TBC1D12: variants seen among roughly 807,000 people sequenced by gnomAD.
TBC1D12 encodes TBC1 domain family member 12, also known as TBC1 domain family, member 12.
In TBC1D12, 56 loss-of-function variants were observed where a neutral mutation model predicts 86.7. That is an observed-to-expected ratio of 0.65 (90% CI 0.52 to 0.81). The LOEUF (loss-of-function observed/expected upper bound fraction) is 0.81, where lower values mean the gene tolerates loss of function less well. TBC1D12 is among the 30% of genes least tolerant of loss of function. The probability of loss-of-function intolerance (pLI) is 0.00; values close to 1 mark genes in which losing one functional copy is unlikely to be tolerated. For synonymous variants in TBC1D12, 421 were observed against 411.7 expected (o/e 1.02, Z -0.27); for missense variants, 1,023 against 1,038.8 (o/e 0.98, Z 0.21).
intron 5 of TBC1D12, among the ~76,000 whole-genome samples, chr10:94,498,921 T>C (rs114788517): frequency 0.012 from 1,861 of 152,072 alleles, 43 homozygotes; most frequent in African/African-American, 0.043. Context: ...AGGTATGTGC[T>C]AACACGTCCA....
In TBC1D12 at chr10:94,533,755, C is replaced by A. The variant is rs1003116716; in HGVS notation, c.*659C>A. 1.3e-5 allele frequency: 2 copies of A among 152,102 alleles called. No homozygotes were observed. The highest frequency in any genetic ancestry group is 4.8e-5 in the African/African-American group (2 of 41,426). The allele number at this position is 152,102 out of a possible 1,614,324, so 9.4% of individuals were successfully genotyped here. A position where few individuals can be genotyped will look rare whatever the true frequency, so the allele number is the denominator to read the frequency against. Reference sequence around the variant, plus strand: ...TTTGTCTTCCTTAAGGAATTCCTATCACTCAGAGAATTTTAGCCATTCTGG... The same window carrying A: ...TTTGTCTTCCTTAAGGAATTCCTATAACTCAGAGAATTTTAGCCATTCTGG... On this transcript the variant is annotated 3_prime_UTR_variant, in exon 13 of 13. Coordinates refer to ENST00000225235, the MANE Select transcript of TBC1D12 (RefSeq NM_015188.2).
At chr10:94,448,555 C>T (rs1047884554) in intron 2 of TBC1D12, among the ~76,000 whole-genome samples, 1 of 152,186 alleles carries the variant, frequency 6.6e-6, no homozygotes, top group African/African-American at 2.4e-5. Flanking sequence ...TGGCTCACTG[C>T]AACCTTGACC....
Position 94,533,726 on chromosome 10 carries a change from A to AT in TBC1D12, c.*636dup, listed in dbSNP as rs369984657. On this transcript the variant is annotated 3_prime_UTR_variant, in exon 13 of 13. Coordinates refer to ENST00000225235, the MANE Select transcript of TBC1D12 (RefSeq NM_015188.2). The stretch of plus-strand genomic sequence containing the variant: ...GGTGTCCATTTGTTTTTTAAGGGAA[A>AT]TTTTTTGTCTTCCTTAAGGAATTCC... 1 of 152,164 alleles carries AT rather than the reference A, an allele frequency of 6.6e-6. No individual in the cohort carries two copies. Among genetic ancestry groups the AT allele is most frequent in the African/African-American group, 2.4e-5 (1 of 41,534 alleles). 9.4% of individuals were successfully genotyped at this position (152,164 alleles called of 1,614,324 possible).
In TBC1D12 at chr10:94,430,991, G is replaced by A. The variant is rs181788228; in HGVS notation, c.972-10905G>A. Among the ~76,000 whole-genome samples the A allele has an allele frequency of 2.0e-5, 3 of 152,248 alleles. No individual in the cohort carries two copies. In the East Asian group the frequency reaches 5.8e-4, roughly 29 times the overall value. On this transcript the variant is annotated intron_variant, in intron 1 of 12. Transcript: ENST00000225235. ...GTTTGTGTCTGTGTGTGTATAGATG[G>A]GCGTGTACATGAACATGGTATTTAT...
chr10:94,514,977 G>C (rs1236879992), intron 9 of TBC1D12, among the ~76,000 whole-genome samples: 1 of 140,260 alleles, frequency 7.1e-6, no homozygotes, highest in Non-Finnish European at 1.5e-5. Flanking sequence ...GCGGGATCTC[G>C]GCTCACTGCA....
At chr10:94,444,040 G>A (rs538200180) in intron 2 of TBC1D12, among the ~76,000 whole-genome samples, 3 of 152,114 alleles carry the variant, frequency 2.0e-5, no homozygotes, top group African/African-American at 7.2e-5. Flanking sequence ...GCATGGTGGT[G>A]CATGCTTATA....
At chr10:94,440,120 T>C (rs1306241990) in intron 1 of TBC1D12, among the ~76,000 whole-genome samples, 1 of 152,216 alleles carries the variant, frequency 6.6e-6, no homozygotes, top group African/African-American at 2.4e-5. Flanking sequence ...TAGTGTCATA[T>C]GTTTATTTCT....
intron 2 of TBC1D12, among the ~76,000 whole-genome samples, chr10:94,465,806 ATACG>A (rs2055807867): frequency 6.6e-6 from 1 of 150,992 alleles, no homozygotes; most frequent in Non-Finnish European, 1.5e-5. Context: ...ATACATACAT[ATACG>A]CATACATACA....
intron 1 of TBC1D12, among the ~76,000 whole-genome samples, chr10:94,428,786 T>C (rs554465909): frequency 1.3e-5 from 2 of 151,960 alleles, no homozygotes; most frequent in African/African-American, 2.4e-5. Flanking sequence ...TCAGGCTCAC[T>C]ACAGCCTTGA....
chr10:94,458,465 C>CT (rs762177980), intron 2 of TBC1D12, among the ~76,000 whole-genome samples: 3 of 152,104 alleles, frequency 2.0e-5, no homozygotes, highest in Non-Finnish European at 2.9e-5. Context: ...ACTAAGAAAA[C>CT]TTTTTTTCTG....
At position 94,522,023 on chromosome 10, in the gene TBC1D12, A is replaced by G. The variant is rs760065512; in HGVS notation, c.1830A>G (p.Ala610=). Residue 610 remains alanine, a synonymous_variant, in exon 10 of 13, where the codon GCA becomes GCG. Transcript: ENST00000225235. ...LNLEEADAFI[A]FANLLNKPCQ... ...TGGAAGAGGCAGATGCCTTTATCGC[A>G]TTTGCCAATCTCCTGAATAAGCCAT... The G allele has an allele frequency of 1.6e-5, 26 of 1,612,782 alleles. No homozygotes were observed. Among genetic ancestry groups the G allele is most frequent in the Non-Finnish European group, 2.0e-5 (24 of 1,179,152 alleles).
chr10:94,463,571 G>A (rs1215830940), intron 2 of TBC1D12, among the ~76,000 whole-genome samples: 3 of 152,182 alleles, frequency 2.0e-5, no homozygotes, highest in African/African-American at 7.2e-5. Flanking sequence ...CCCCTGCCCA[G>A]TACTATCACA....
chr10:94,451,259 T>C (rs988847063), intron 2 of TBC1D12, among the ~76,000 whole-genome samples: 6 of 152,058 alleles, frequency 3.9e-5, no homozygotes, highest in African/African-American at 1.4e-4. Context: ...TCACAATACA[T>C]TATATGTATC....
At chr10:94,408,431 C>T (rs1183610217) in intron 1 of TBC1D12, among the ~76,000 whole-genome samples, 1 of 152,100 alleles carries the variant, frequency 6.6e-6, no homozygotes, top group Non-Finnish European at 1.5e-5. Flanking sequence ...AAACTAAAGG[C>T]TCTTTTAGTG....
At chr10:94,500,395 A>G (rs2056379614) in intron 6 of TBC1D12, 68 bp downstream of exon 6, 15 of 1,317,610 alleles carry the variant, frequency 1.1e-5, no homozygotes, top group African/African-American at 1.5e-5. Flanking sequence ...ATAGCAGATT[A>G]GTAGAGTGAC....
chr10:94,465,655 AATATAT>A (rs753424064), intron 2 of TBC1D12, among the ~76,000 whole-genome samples: 8 of 106,688 alleles, frequency 7.5e-5, no homozygotes, highest in Non-Finnish European at 2.1e-5. Context: ...TAAAAAAAAA[AATATAT>A]ATATATATAT....
chr10:94,466,828 C>T (rs2134132673), intron 2 of TBC1D12, among the ~76,000 whole-genome samples: 1 of 152,192 alleles, frequency 6.6e-6, no homozygotes, highest in East Asian at 1.9e-4. Context: ...CTATTAAAGT[C>T]CTATTTCTCT....
chr10:94,457,611 T>C (rs943663026), intron 2 of TBC1D12, among the ~76,000 whole-genome samples: 1 of 152,146 alleles, frequency 6.6e-6, no homozygotes, highest in South Asian at 2.1e-4. Context: ...ATTTAGACCA[T>C]TGATATTTAA....
chr10:94,512,342 G>A (rs1481106155), intron 9 of TBC1D12, among the ~76,000 whole-genome samples: 1 of 152,136 alleles, frequency 6.6e-6, no homozygotes, highest in Admixed American at 6.5e-5. Context: ...AAAGAAAGAT[G>A]TGATGTTCAA....
Sources: allele counts gnomAD v4.1 joint callset (sites outside exome capture counted in the v4.1 genomes callset), GRCh38; gene constraint gnomAD v4.1.1; transcripts MANE v1.5; gene names NCBI Gene and HGNC (gene_info 2026-07-23, HGNC 2026-07-21).